The following SKAP2 variants were observed in gnomAD, a reference collection of about 807,000 sequenced individuals.
SKAP2 encodes the protein src kinase-associated phosphoprotein 2.
Under a neutral mutation model 54.9 loss-of-function variants are expected in SKAP2, and 28 were observed. That is an observed-to-expected ratio of 0.51 (90% confidence interval 0.38 to 0.70). SKAP2 has a LOEUF of 0.70. Among genes scored for constraint, SKAP2 ranks in the 30% least tolerant of loss-of-function variants. The pLI is 0.00. For synonymous variants in SKAP2, 137 were observed against 134.3 expected, an observed-to-expected ratio of 1.02 and a Z score of -0.14; for missense variants, 356 against 424.1, an observed-to-expected ratio of 0.84 and a Z score of 1.41.
rs753156779 is a variant in SKAP2, at chr7:26,726,908, A to T, written c.568T>A (p.Ser190Thr). Residue 190 changes from serine (S) to threonine (T), a missense_variant, in exon 7 of 13, where the codon TCT becomes ACT. Ser to Thr is a moderately conservative substitution (Grantham distance 58). Transcript: ENST00000345317. ...DGKKDCCFEI[S>T]APDKRIYQFT... ...TGATATATACGTTTATCAGGAGCAG[A>T]GATTTCAAAACAGCAATCTTTCTTT... is the stretch of plus-strand genomic sequence containing the variant. 2 of 1,610,802 alleles carry T rather than the reference A, an allele frequency of 1.2e-6. No homozygotes were observed. Among genetic ancestry groups the T allele is most frequent in the African/African-American group, 2.7e-5 (2 of 74,920 alleles).
chr7:26,774,443 C>T (rs376574987), intron 4 of SKAP2, among the ~76,000 whole-genome samples: 7 of 151,974 alleles, frequency 4.6e-5, no homozygotes, highest in East Asian at 1.9e-4. Flanking sequence ...AAATGATCCC[C>T]GCTTCTTTAC....
At chr7:26,832,962 C>A (rs28550029) in intron 4 of SKAP2, among the ~76,000 whole-genome samples, 8 of 151,928 alleles carry the variant, frequency 5.3e-5, no homozygotes, top group African/African-American at 1.9e-4. Flanking sequence ...CTTGTGTATT[C>A]GGGCTAAATC....
At chr7:26,684,622 A>G in intron 11 of SKAP2, 114 bp downstream of exon 11, 2 of 624,092 alleles carry the variant, frequency 3.2e-6, no homozygotes, top group Admixed American at 6.1e-5. Flanking sequence ...ATTGTTAACA[A>G]GGACCTAGAA....
At chr7:26,700,734 A>G (rs1055912544) in intron 9 of SKAP2, among the ~76,000 whole-genome samples, 6 of 152,198 alleles carry the variant, frequency 3.9e-5, no homozygotes, top group African/African-American at 1.4e-4. Context: ...AACCTTCTAC[A>G]TAAAACTGTC....
intron 9 of SKAP2, among the ~76,000 whole-genome samples, chr7:26,693,086 C>G (rs1018896492): frequency 3.3e-5 from 5 of 152,078 alleles, no homozygotes; most frequent in Admixed American, 2.0e-4. Context: ...AATCCCAGCA[C>G]TTTGAGAGGC....
intron 9 of SKAP2, among the ~76,000 whole-genome samples, chr7:26,703,719 C>G (rs1562581093): frequency 6.6e-6 from 1 of 152,114 alleles, no homozygotes; most frequent in African/African-American, 2.4e-5. Context: ...AGATTTGTAA[C>G]AGTGATTATA....
chr7:26,770,654 G>A (rs1385866474), intron 4 of SKAP2, among the ~76,000 whole-genome samples: 5 of 152,196 alleles, frequency 3.3e-5, no homozygotes, highest in Non-Finnish European at 7.3e-5. Context: ...ATCTGGGCCA[G>A]AGTGTACCAT....
At chr7:26,770,464 A>G (rs1562604335) in intron 4 of SKAP2, among the ~76,000 whole-genome samples, 1 of 152,086 alleles carries the variant, frequency 6.6e-6, no homozygotes, top group Non-Finnish European at 1.5e-5. Context: ...GGGAATGAAC[A>G]GTTCTGTTTC....
At chr7:26,815,529 AAACTCAG>A (rs1784247850) in intron 4 of SKAP2, among the ~76,000 whole-genome samples, 1 of 152,186 alleles carries the variant, frequency 6.6e-6, no homozygotes, top group Non-Finnish European at 1.5e-5. Flanking sequence ...ACAATATGAC[AAACTCAG>A]TAACAGCCAC....
intron 4 of SKAP2, among the ~76,000 whole-genome samples, chr7:26,785,420 T>G (rs1463639280): frequency 6.6e-6 from 1 of 152,128 alleles, no homozygotes; most frequent in East Asian, 1.9e-4. Flanking sequence ...TCTCCTGACC[T>G]CGTGATCCAC....
chr7:26,704,235 C>T (rs1360989947), intron 9 of SKAP2, among the ~76,000 whole-genome samples: 1 of 152,212 alleles, frequency 6.6e-6, no homozygotes, highest in Non-Finnish European at 1.5e-5. Context: ...TTTGCCCCTT[C>T]CATTTTTCTT....
At chr7:26,803,673 G>A (rs931569639) in intron 4 of SKAP2, among the ~76,000 whole-genome samples, 6 of 152,146 alleles carry the variant, frequency 3.9e-5, no homozygotes, top group South Asian at 2.1e-4. Context: ...GCACTCCTAC[G>A]TTTGTTGCAG....
chr7:26,661,677 C>T, the SKAP2 span, among the ~76,000 whole-genome samples: 2 of 152,104 alleles, frequency 1.3e-5, no homozygotes, highest in African/African-American at 4.8e-5. Flanking sequence ...TCAAACTCCT[C>T]TAGGATTATT....
intron 4 of SKAP2, among the ~76,000 whole-genome samples, chr7:26,762,672 C>T (rs550431455): frequency 2.6e-3 from 390 of 151,092 alleles, no homozygotes; most frequent in Admixed American, 4.2e-3. Context: ...CCCATCTCTA[C>T]TAAAAATACA....
At chr7:26,842,681 T>C (rs1784841750) in intron 4 of SKAP2, among the ~76,000 whole-genome samples, 1 of 151,870 alleles carries the variant, frequency 6.6e-6, no homozygotes, top group South Asian at 2.1e-4. Flanking sequence ...TACAGAGAAA[T>C]AAAGCAATTG....
chr7:26,699,850 C>T (rs1035098621), intron 9 of SKAP2, among the ~76,000 whole-genome samples: 3 of 152,122 alleles, frequency 2.0e-5, no homozygotes, highest in African/African-American at 7.2e-5. Context: ...ACCTAGAACA[C>T]TATTTGATAA....
At chr7:26,692,438 A>G (rs1035698807) in intron 9 of SKAP2, among the ~76,000 whole-genome samples, 1 of 152,174 alleles carries the variant, frequency 6.6e-6, no homozygotes, top group African/African-American at 2.4e-5. Flanking sequence ...TCTCCTGAAA[A>G]TGTTAAATGG....
chr7:26,659,015 C>T, the SKAP2 span, among the ~76,000 whole-genome samples: 313 of 152,216 alleles, frequency 2.1e-3, 1 homozygote, highest in Non-Finnish European at 3.8e-3. Context: ...TGTTAATGTA[C>T]CAGTTATATA....
intron 3 of SKAP2, among the ~76,000 whole-genome samples, chr7:26,845,513 A>G (rs146876794): frequency 1.2e-3 from 189 of 152,324 alleles, no homozygotes; most frequent in Admixed American, 3.5e-3. Flanking sequence ...TTACTCCCAC[A>G]GTTAAAATTC....
Sources: gnomAD v4.1 joint callset for allele counts (sites outside exome capture counted in the v4.1 genomes callset) on GRCh38, gnomAD v4.1.1 for gene constraint, MANE v1.5 for transcripts, NCBI Gene and HGNC (gene_info 2026-07-23, HGNC 2026-07-21) for gene names.